Variants in RGS2 observed in about 807,000 individuals in gnomAD.
The protein encoded by RGS2 is G0 to G1 switch regulatory 8, 24kD.
RGS2 carries 20 observed loss-of-function variants against 26.6 expected under a neutral mutation model. The ratio of observed to expected loss-of-function variants is 0.75; its 90% confidence interval spans 0.53 to 1.09. RGS2 has a LOEUF of 1.09. Among genes scored for constraint, RGS2 ranks in the 50% least tolerant of loss-of-function variants. The pLI is 0.00. For missense variants in RGS2, 246 were observed against 245.5 expected (o/e 1.00, Z -0.01); for synonymous variants, 97 against 79.9 (o/e 1.21, Z -1.14).
intron 3 of RGS2, chr1:192,810,693 A>G (rs1665577634): frequency 1.6e-6 from 1 of 612,030 alleles, no homozygotes; most frequent in Non-Finnish European, 2.9e-6. Context: ...CATTGCATAC[A>G]ATGTTTTCAA....
rs756254339 is a variant in RGS2, at chr1:192,809,086, G to T, written c.15G>T (p.Met5Ile). ...GGAGAACGATAATGCAAAGTGCTAT[G>T]TTCTTGGCTGTTCAACACGACTGCA... MQSAMFLAVQHDCRP... is the reference protein window; with the variant it reads MQSAIFLAVQHDCRP... Residue 5 changes from methionine to isoleucine, a missense_variant, in exon 1 of 5, where the codon ATG becomes ATT. By Grantham distance (10) the Met-to-Ile change is conservative. Transcript: ENST00000235382. 1.2e-6 allele frequency: 2 copies of T among 1,613,338 alleles called. No homozygotes were observed. The highest frequency in any genetic ancestry group is 2.7e-5 in the African/African-American group (2 of 74,908).
chr1:192,811,356 C>CT, intron 4 of RGS2, 46 bp from the exon 5 acceptor site: 3 of 1,499,216 alleles, frequency 2.0e-6, no homozygotes, highest in Non-Finnish European at 2.8e-6. Context: ...AAATTTTAAT[C>CT]TTTAACTCTG....
At chr1:192,810,918 T>G in intron 3 of RGS2, 63 bp from the exon 4 acceptor site, 1 of 1,439,196 alleles carries the variant, frequency 6.9e-7, no homozygotes, top group Non-Finnish European at 9.8e-7. Flanking sequence ...AGGAGAAACA[T>G]AAGGAATCAT....
At chr1:192,809,406 C>G in intron 1 of RGS2, 1 of 549,978 alleles carries the variant, frequency 1.8e-6, no homozygotes, top group Non-Finnish European at 3.3e-6. Flanking sequence ...GGTTGATGCG[C>G]TAAGAAATTG....
intron 3 of RGS2, 58 bp downstream of exon 3, chr1:192,810,489 C>A: frequency 6.7e-7 from 1 of 1,486,618 alleles, no homozygotes. Context: ...GGAAAGGCTG[C>A]GTCCACCTAA....
chr1:192,809,653 TAAAAG>T, intron 1 of RGS2: 8 of 280,388 alleles, frequency 2.9e-5, no homozygotes, highest in South Asian at 2.7e-4. Context: ...AGCGTCTGCT[TAAAAG>T]AAGTGTCGTA....
intron 1 of RGS2, chr1:192,809,684 G>GTA: frequency 3.3e-6 from 1 of 298,614 alleles, no homozygotes; most frequent in Non-Finnish European, 6.5e-6. Context: ...GGAAGGAAGA[G>GTA]CGCAGGGGAA....
At position 192,811,029 on chromosome 1, in the gene RGS2, A is replaced by C. The variant is rs1200668713; in HGVS notation, c.323A>C (p.Glu108Ala). 1 of 1,614,182 alleles carries C rather than the reference A, an allele frequency of 6.2e-7. No homozygotes were observed. The highest frequency in any genetic ancestry group is 1.1e-5 in the South Asian group (1 of 91,088). ...RAFLKSEFCEENIEFWLACED... is the reference protein window; with the variant it reads ...RAFLKSEFCEANIEFWLACED... ...TTTTTAAAGTCGGAATTCTGTGAAG[A>C]AAATATTGAATTCTGGCTGGCCTGT... Residue 108 changes from glutamate to alanine, a missense_variant, in exon 4 of 5, where the codon GAA (glutamate) becomes GCA (alanine). Coordinates refer to ENST00000235382, the MANE Select transcript of RGS2 (RefSeq NM_002923.4).
chr1:192,810,631 C>T (rs753159597), intron 3 of RGS2, 200 bp downstream of exon 3: 23 of 649,882 alleles, frequency 3.5e-5, no homozygotes, highest in Non-Finnish European at 6.2e-5. Context: ...GAAAATCAGC[C>T]TAAACAAATT....
intron 4 of RGS2, 105 bp downstream of exon 4, chr1:192,811,252 T>C (rs1394203634): frequency 5.7e-6 from 8 of 1,402,602 alleles, no homozygotes; most frequent in Non-Finnish European, 8.1e-6. Flanking sequence ...AAAAAGTCCC[T>C]CCACGTTGTA....
chr1:192,810,326 G>A lies in RGS2; in HGVS notation c.213-44G>A, dbSNP rs371653540. 15 of 1,606,434 alleles carry A rather than the reference G, an allele frequency of 9.3e-6. No individual in the cohort carries two copies. The East Asian group carries it at 1.1e-4, about 12-fold the overall frequency. On this transcript the variant is annotated intron_variant, in intron 2 of 4. Transcript: ENST00000235382. ...TAGTTAGCTGCTGAACTGAAAAGGG[G>A]AACTCTGATGTGCGTAAGCTAACAT...
At chr1:192,811,288 T>C (rs1665588434) in intron 4 of RGS2, 114 bp from the exon 5 acceptor site, 4 of 1,304,368 alleles carry the variant, frequency 3.1e-6, no homozygotes, top group Non-Finnish European at 4.4e-6. Flanking sequence ...AAAGTTCTCC[T>C]GTGACTTAGC....
intron 4 of RGS2, 61 bp from the exon 5 acceptor site, chr1:192,811,341 A>G: frequency 1.4e-6 from 2 of 1,438,764 alleles, no homozygotes; most frequent in East Asian, 2.3e-5. Flanking sequence ...TTGTTTTCAA[A>G]TACTAAATTT....
At chr1:192,810,534 C>T in intron 3 of RGS2, 103 bp downstream of exon 3, 2 of 957,450 alleles carry the variant, frequency 2.1e-6, no homozygotes, top group South Asian at 1.3e-5. Flanking sequence ...GATTAGACTG[C>T]AGTCACTATA....
Position 192,811,829 on chromosome 1 carries a change from G to A in RGS2, c.*233G>A, listed in dbSNP as rs554363743. 3 of 562,798 alleles carry A rather than the reference G, an allele frequency of 5.3e-6. 1 individual carries two copies. Among genetic ancestry groups the A allele is most frequent in the South Asian group, 4.0e-5 (2 of 49,868 alleles). The allele number at this position is 562,798 out of a possible 1,614,324, so 34.9% of individuals were successfully genotyped here. ...ACAGAACGCAAGAAGGGAATAGGTG[G>A]TCTGAACGTGGTGTCTCACTCTGAA... On this transcript the variant is annotated 3_prime_UTR_variant, in exon 5 of 5. Transcript: ENST00000235382.
At chr1:192,809,999 G>A (rs76959506) in intron 1 of RGS2, among the ~76,000 whole-genome samples, 167 bp from the exon 2 acceptor site, 1,564 of 152,312 alleles carry the variant, frequency 0.01, 63 homozygotes, top group Admixed American at 0.071. Context: ...CTCAGTACAT[G>A]AGGTTTAAAT....
intron 3 of RGS2, 137 bp downstream of exon 3, chr1:192,810,568 T>C (rs1665576007): frequency 1.3e-6 from 1 of 782,840 alleles, no homozygotes. Flanking sequence ...TTTTCTTTCC[T>C]TTATTTCCCA....
intron 1 of RGS2, 112 bp from the exon 2 acceptor site, chr1:192,810,054 T>G (rs578099868): frequency 2.8e-6 from 2 of 725,268 alleles, no homozygotes; most frequent in Non-Finnish European, 2.5e-6. Context: ...CTTTGCCTTA[T>G]GCGGTTTGTC....
At position 192,809,196 on chromosome 1, in the gene RGS2, C is replaced by T; in HGVS notation, c.110+15C>T. 6.4e-7 allele frequency: 1 copy of T among 1,555,500 alleles called. No individual in the cohort carries two copies. Among genetic ancestry groups the T allele is most frequent in the Non-Finnish European group, 8.9e-7 (1 of 1,126,612 alleles). Reference sequence around the variant, plus strand: ...AAACGGACCCTGTGAGTATGGCTTTCTTCCCTCTCCCGCCACCCCCTGCCC... The same window carrying T: ...AAACGGACCCTGTGAGTATGGCTTTTTTCCCTCTCCCGCCACCCCCTGCCC... On this transcript the variant is annotated intron_variant, in intron 1 of 4. Transcript: ENST00000235382.
Sources: allele counts gnomAD v4.1 joint callset (sites outside exome capture counted in the v4.1 genomes callset), GRCh38; gene constraint gnomAD v4.1.1; transcripts MANE v1.5; gene names NCBI Gene and HGNC (gene_info 2026-07-23, HGNC 2026-07-21).